The following SQLE variants were observed in gnomAD, a reference collection of about 807,000 sequenced individuals.
SQLE encodes the protein squalene monooxygenase.
SQLE carries 29 observed loss-of-function variants against 60.7 expected under a neutral mutation model. The ratio of observed to expected loss-of-function variants is 0.48; its 90% CI spans 0.36 to 0.65. The LOEUF is 0.65. Ranked by LOEUF, SQLE falls within the 30% of genes least tolerant of loss-of-function variation. The probability of loss-of-function intolerance (pLI) is 0.00; values close to 1 mark genes in which losing one functional copy is unlikely to be tolerated. For synonymous variants in SQLE, 237 were observed against 246.8 expected, an observed-to-expected ratio of 0.96 and a Z score of 0.37; for missense variants, 605 against 684.1, an observed-to-expected ratio of 0.88 and a Z score of 1.29.
At chr8:125,002,298 C>T (rs1321285962) in intron 1 of SQLE, among the ~76,000 whole-genome samples, 1 of 152,156 alleles carries the variant, frequency 6.6e-6, no homozygotes, top group East Asian at 1.9e-4. Flanking sequence ...CAGGATTTGA[C>T]AATCCTTTTG....
intron 7 of SQLE, 46 bp from the exon 8 acceptor site, chr8:125,018,013 C>T (rs1404375950): frequency 5.7e-6 from 9 of 1,592,918 alleles, no homozygotes; most frequent in Admixed American, 3.6e-5. Flanking sequence ...TTTGTTTTGT[C>T]TCAAGGGATG....
At chr8:125,007,752 G>A (rs1814977479) in intron 4 of SQLE, among the ~76,000 whole-genome samples, 1 of 152,072 alleles carries the variant, frequency 6.6e-6, no homozygotes, top group Admixed American at 6.5e-5. Context: ...AAAAGTTTTG[G>A]ATTTCAGATT....
chr8:125,003,704 C>T (rs1257833814), intron 2 of SQLE, among the ~76,000 whole-genome samples: 2 of 151,984 alleles, frequency 1.3e-5, no homozygotes, highest in African/African-American at 4.8e-5. Flanking sequence ...AGAATGAGGG[C>T]ATTAAATTTT....
In SQLE at chr8:125,000,298, C is replaced by CA. The variant is rs553127369; in HGVS notation, c.291+605dup. Among the ~76,000 whole-genome samples the CA allele has an allele frequency of 3.2e-3, 483 of 152,240 alleles. 3 individuals are homozygous for CA. Among genetic ancestry groups the CA allele is most frequent in the African/African-American group, 0.011 (460 of 41,530 alleles). On this transcript the variant is annotated intron_variant, in intron 1 of 10. Transcript: ENST00000265896. Reference sequence around the variant, plus strand: ...TTCCTGCAAAGGGAGCAGAGGCGGCCACTGGGAGAAGATGAGGGGGAAGAG... The same window carrying CA: ...TTCCTGCAAAGGGAGCAGAGGCGGCCAACTGGGAGAAGATGAGGGGGAAGAG...
In SQLE at chr8:125,022,097, T is replaced by A; in HGVS notation, c.*152T>A. On this transcript the variant is annotated 3_prime_UTR_variant, in exon 11 of 11. Transcript: ENST00000265896. ...GGATTAATTTGTTTTTGAAGTTTTT[T>A]GTATATAAATATGTAAATACATGCT... 2.2e-6 allele frequency: 1 copy of A among 462,860 alleles called. No homozygotes were observed. The highest frequency in any genetic ancestry group is 3.5e-6 in the Non-Finnish European group (1 of 283,114). 28.7% of individuals were successfully genotyped at this position (462,860 alleles called of 1,614,324 possible).
At chr8:125,014,538 CTT>C (rs1815082447) in intron 7 of SQLE, among the ~76,000 whole-genome samples, 1 of 152,254 alleles carries the variant, frequency 6.6e-6, no homozygotes, top group South Asian at 2.1e-4. Context: ...GATGTAGGCA[CTT>C]ACTGCTAAAA....
intron 6 of SQLE, 143 bp from the exon 7 acceptor site, chr8:125,011,394 T>G (rs919571192): frequency 2.9e-5 from 16 of 549,676 alleles, no homozygotes; most frequent in African/African-American, 2.9e-4. Flanking sequence ...AAATAATTAG[T>G]TCTTGATTTA....
In SQLE at chr8:125,009,274, G is replaced by T; in HGVS notation, c.1039G>T (p.Asp347Tyr). 6.2e-7 allele frequency: 1 copy of T among 1,613,840 alleles called. No individual in the cohort carries two copies. The highest frequency in any genetic ancestry group is 1.1e-5 in the South Asian group (1 of 91,068). ...ATCCAGTGAAACTCGAGTACTTGTT[G>T]ACATTAGAGGAGAAATGCCAAGGAA... is the stretch of plus-strand genomic sequence containing the variant. ...ISSSETRVLV[D>Y]IRGEMPRNLR... is the part of the protein sequence containing the mutation. The change falls in exon 6 of 11, where the codon GAC (aspartate) becomes TAC (tyrosine). Residue 347 changes from aspartate (D) to tyrosine (Y), a missense_variant. By Grantham distance (160) the Asp-to-Tyr change is radical (BLOSUM62 -3). Coordinates refer to ENST00000265896, the MANE Select transcript of SQLE (RefSeq NM_003129.4).
At chr8:125,001,246 G>A (rs1814843641) in intron 1 of SQLE, among the ~76,000 whole-genome samples, 2 of 152,154 alleles carry the variant, frequency 1.3e-5, no homozygotes, top group Admixed American at 1.3e-4. Context: ...TTCATGCTGT[G>A]TAGAGAAATT....
intron 3 of SQLE, among the ~76,000 whole-genome samples, chr8:125,007,049 T>C (rs1814964106): frequency 6.6e-6 from 1 of 152,196 alleles, no homozygotes; most frequent in South Asian, 2.1e-4. Flanking sequence ...CCAATACTTG[T>C]TTTCCCCTCT....
chr8:125,017,877 A>G (rs1471654345), intron 7 of SQLE, 182 bp from the exon 8 acceptor site: 4 of 648,132 alleles, frequency 6.2e-6, no homozygotes, highest in Admixed American at 3.0e-5. Flanking sequence ...TAGGTACCCA[A>G]CATTGATTCA....
intron 7 of SQLE, among the ~76,000 whole-genome samples, chr8:125,017,604 C>T (rs2129907601): frequency 6.6e-6 from 1 of 152,308 alleles, no homozygotes; most frequent in African/African-American, 2.4e-5. Context: ...CCACTTGGTG[C>T]TCTGTCTCAC....
At chr8:125,018,272 C>T in intron 8 of SQLE, 71 bp downstream of exon 8, 4 of 1,499,428 alleles carry the variant, frequency 2.7e-6, no homozygotes, top group Non-Finnish European at 3.7e-6. Context: ...CAGTGGGGCT[C>T]TGATGGGGAG....
intron 9 of SQLE, among the ~76,000 whole-genome samples, chr8:125,020,200 C>G (rs915255945): frequency 1.6e-4 from 24 of 152,112 alleles, no homozygotes; most frequent in Non-Finnish European, 3.5e-4. Context: ...CTGTTGCATC[C>G]TTTACTTTTT....
At chr8:125,006,620 C>CAA (rs575609752) in intron 3 of SQLE, among the ~76,000 whole-genome samples, 3 of 65,350 alleles carry the variant, frequency 4.6e-5, no homozygotes, top group Admixed American at 1.6e-4. Context: ...GACTTGGTCT[C>CAA]AAAAAAAAAA....
At chr8:125,013,462 C>T (rs1815069163) in intron 7 of SQLE, among the ~76,000 whole-genome samples, 1 of 151,112 alleles carries the variant, frequency 6.6e-6, no homozygotes, top group Admixed American at 6.6e-5. Context: ...AAGCAATTCT[C>T]CTGCCTCAGC....
chr8:125,011,638 A>C lies in SQLE; in HGVS notation c.1204+6A>C, dbSNP rs766650699. ...TTCATCAGTGAAGAAACGAGGTATT[A>C]TTTTTTGGGCTTATTTTATAAAGGA... On this transcript the variant is annotated splice_donor_region_variant and intron_variant, in intron 7 of 10. Coordinates refer to ENST00000265896, the MANE Select transcript of SQLE (RefSeq NM_003129.4). 3 of 1,561,080 alleles carry C rather than the reference A, an allele frequency of 1.9e-6. No individual in the cohort carries two copies. Among genetic ancestry groups the C allele is most frequent in the South Asian group, 1.2e-5 (1 of 84,614 alleles).
chr8:125,019,021 T>C, intron 9 of SQLE: 1 of 257,074 alleles, frequency 3.9e-6, no homozygotes, highest in Non-Finnish European at 7.3e-6. Context: ...CACACAAGAC[T>C]GTGATGGAAG....
At chr8:125,011,407 A>T in intron 6 of SQLE, 130 bp from the exon 7 acceptor site, 1 of 602,918 alleles carries the variant, frequency 1.7e-6, no homozygotes. Context: ...TTGATTTATC[A>T]CAAGGGATAT....
Sources: gnomAD v4.1 joint callset for allele counts (sites outside exome capture counted in the v4.1 genomes callset) on GRCh38, gnomAD v4.1.1 for gene constraint, MANE v1.5 for transcripts, NCBI Gene and HGNC (gene_info 2026-07-23, HGNC 2026-07-21) for gene names.